TBC1D22A: variants seen among roughly 807,000 people sequenced by gnomAD.
TBC1D22A encodes TBC1 domain family member 22A.
A neutral mutation model predicts 60.2 loss-of-function variants in TBC1D22A; 38 were observed. The ratio of observed to expected loss-of-function variants is 0.63; its 90% CI spans 0.49 to 0.83. The LOEUF is 0.83. Among genes scored for constraint, TBC1D22A ranks in the 40% least tolerant of loss-of-function variants. TBC1D22A has a pLI of 0.00. For missense variants in TBC1D22A, 628 were observed against 701.0 expected, an observed-to-expected ratio of 0.90 and a Z score of 1.18; for synonymous variants, 302 against 281.7, an observed-to-expected ratio of 1.07 and a Z score of -0.72.
intron 5 of TBC1D22A, among the ~76,000 whole-genome samples, chr22:46,890,988 CTG>C (rs1231740678): frequency 6.6e-6 from 1 of 152,184 alleles, no homozygotes; most frequent in Admixed American, 6.5e-5. Flanking sequence ...GCCTGTGGGA[CTG>C]TTGTCCAGGT....
At chr22:47,065,914 G>A (rs1025214377) in intron 11 of TBC1D22A, among the ~76,000 whole-genome samples, 1 of 152,182 alleles carries the variant, frequency 6.6e-6, no homozygotes, top group Non-Finnish European at 1.5e-5. Flanking sequence ...AATACACTGA[G>A]TGAGTGGACC....
At chr22:47,002,775 G>A (rs4823901) in intron 10 of TBC1D22A, among the ~76,000 whole-genome samples, 1 of 152,294 alleles carries the variant, frequency 6.6e-6, no homozygotes, top group Non-Finnish European at 1.5e-5. Flanking sequence ...CCCGGTTCTG[G>A]TGGGCTCCAC....
intron 12 of TBC1D22A, among the ~76,000 whole-genome samples, chr22:47,145,866 G>T (rs952274000): frequency 3.3e-5 from 5 of 152,136 alleles, no homozygotes; most frequent in South Asian, 2.1e-4. Flanking sequence ...TATCTGAAAA[G>T]TAGGGGTTGA....
chr22:46,910,121 G>A (rs1041881853), intron 7 of TBC1D22A, among the ~76,000 whole-genome samples: 1 of 152,228 alleles, frequency 6.6e-6, no homozygotes, highest in Non-Finnish European at 1.5e-5. Context: ...AAAATGGAAA[G>A]CGTGTATGAA....
At chr22:47,081,672 A>C (rs962762141) in intron 11 of TBC1D22A, among the ~76,000 whole-genome samples, 1 of 152,262 alleles carries the variant, frequency 6.6e-6, no homozygotes, top group Non-Finnish European at 1.5e-5. Context: ...AACAATTAGA[A>C]AATAAAATTT....
At chr22:46,956,444 T>C (rs972501442) in intron 8 of TBC1D22A, among the ~76,000 whole-genome samples, 6 of 152,224 alleles carry the variant, frequency 3.9e-5, no homozygotes, top group African/African-American at 1.4e-4. Context: ...AATTTTCTTT[T>C]TTAAGCTTTT....
intron 7 of TBC1D22A, among the ~76,000 whole-genome samples, chr22:46,903,283 C>T (rs939600181): frequency 3.3e-5 from 5 of 152,114 alleles, no homozygotes; most frequent in Non-Finnish European, 5.9e-5. Context: ...GGCTCCCCTT[C>T]GAGAACCCAC....
chr22:46,965,076 C>T (rs1042937790), intron 8 of TBC1D22A, among the ~76,000 whole-genome samples: 1 of 152,236 alleles, frequency 6.6e-6, no homozygotes, highest in Admixed American at 6.5e-5. Flanking sequence ...TGGCTCCAAC[C>T]AAAGTCACCT....
chr22:47,110,334 C>A (rs2065802030), intron 11 of TBC1D22A, among the ~76,000 whole-genome samples: 1 of 152,032 alleles, frequency 6.6e-6, no homozygotes, highest in African/African-American at 2.4e-5. Context: ...ACAAAATTAG[C>A]CAGGTGTGGT....
At chr22:47,112,165 C>CTAG (rs1282560911) in intron 12 of TBC1D22A, among the ~76,000 whole-genome samples, 1 of 152,244 alleles carries the variant, frequency 6.6e-6, no homozygotes, top group African/African-American at 2.4e-5. Context: ...TCCCTGTGGA[C>CTAG]TAGTGTCCAG....
chr22:46,899,880 G>T (rs2068888498), intron 7 of TBC1D22A, among the ~76,000 whole-genome samples: 1 of 152,054 alleles, frequency 6.6e-6, no homozygotes, highest in Non-Finnish European at 1.5e-5. Context: ...ATGTAACTTT[G>T]ATTTTTTTAG....
chr22:47,050,161 G>A (rs769246151), intron 11 of TBC1D22A, among the ~76,000 whole-genome samples: 2 of 152,162 alleles, frequency 1.3e-5, no homozygotes, highest in South Asian at 2.1e-4. Context: ...CTGCCACCAC[G>A]CCTGGCTAAT....
rs184253100 is a variant in TBC1D22A at position 47,130,624 on chromosome 22, C to T, written c.1425+19021C>T. ...CTCTAGGCCTGTGTTTGCACCTTTT[C>T]GTTCCTTCCCCAACACCTCTGCCCT... On this transcript the variant is annotated intron_variant, in intron 12 of 12. Coordinates refer to ENST00000337137, the MANE Select transcript of TBC1D22A (RefSeq NM_014346.5). 2.5e-3 allele frequency among the ~76,000 whole-genome samples: 380 copies of T among 152,298 alleles called. 1 individual carries two copies. The highest frequency in any genetic ancestry group is 8.4e-3 in the African/African-American group (351 of 41,560).
intron 4 of TBC1D22A, among the ~76,000 whole-genome samples, chr22:46,865,563 G>T (rs1048454223): frequency 3.9e-5 from 6 of 152,130 alleles, no homozygotes; most frequent in African/African-American, 1.4e-4. Context: ...GAACTCCTAG[G>T]TGCACAACAC....
intron 10 of TBC1D22A, among the ~76,000 whole-genome samples, chr22:47,035,357 G>C (rs931720254): frequency 6.6e-6 from 1 of 152,184 alleles, no homozygotes; most frequent in Non-Finnish European, 1.5e-5. Flanking sequence ...CTCCTGGAGG[G>C]CAGTCCTGTG....
rs1303401431 is a variant in TBC1D22A at position 47,028,947 on chromosome 22, C to G, written c.1202-8124C>G. Among the ~76,000 whole-genome samples the G allele has an allele frequency of 2.6e-5, 4 of 152,194 alleles. No homozygotes were observed. The highest frequency in any genetic ancestry group is 9.7e-5 in the African/African-American group (4 of 41,440). On this transcript the variant is annotated intron_variant, in intron 10 of 12. Transcript: ENST00000337137. The surrounding 1 kb of genome is among the most constrained non-coding windows in gnomAD (Gnocchi z 4.4). ...GTCCTTAACAAGAGCACCCTCACTTCAGACTCCAGCTGCACCTCAGTGGTC... is the reference window on the plus strand; with the variant it reads ...GTCCTTAACAAGAGCACCCTCACTTGAGACTCCAGCTGCACCTCAGTGGTC...
intron 11 of TBC1D22A, among the ~76,000 whole-genome samples, chr22:47,098,178 GA>G (rs2065257919): frequency 6.6e-6 from 1 of 152,190 alleles, no homozygotes; most frequent in Admixed American, 6.5e-5. Context: ...GCTCTTCCGT[GA>G]AATGTTTTTC....
chr22:46,848,313 CT>C (rs2087113493), intron 4 of TBC1D22A, among the ~76,000 whole-genome samples: 1 of 152,224 alleles, frequency 6.6e-6, no homozygotes, highest in African/African-American at 2.4e-5. Flanking sequence ...AGAAGCTTTC[CT>C]TCAGGGACCC....
chr22:47,002,307 T>A (rs1224817497), intron 10 of TBC1D22A, among the ~76,000 whole-genome samples: 1 of 152,254 alleles, frequency 6.6e-6, no homozygotes, highest in Non-Finnish European at 1.5e-5. Context: ...TGTTAACCTC[T>A]GAAATCACAT....
Sources: allele counts gnomAD v4.1 joint callset (sites outside exome capture counted in the v4.1 genomes callset), GRCh38; gene constraint gnomAD v4.1.1; non-coding constraint Gnocchi (gnomAD v3.1); transcripts MANE v1.5; gene names NCBI Gene and HGNC (gene_info 2026-07-23, HGNC 2026-07-21).